PPP3CA: variants seen among roughly 807,000 people sequenced by gnomAD.
The protein encoded by PPP3CA is CAM-PRP catalytic subunit.
PPP3CA carries 14 observed loss-of-function variants against 66.5 expected under a neutral mutation model. The observed-to-expected ratio is 0.21, with a 90% confidence interval of 0.14 to 0.33. The LOEUF is 0.33. Ranked by LOEUF, PPP3CA falls within the 10% of genes least tolerant of loss-of-function variation. PPP3CA has a pLI of 1.00. For missense variants in PPP3CA, 317 were observed against 639.5 expected, an observed-to-expected ratio of 0.50 and a Z score of 5.44; for synonymous variants, 232 against 226.2, an observed-to-expected ratio of 1.03 and a Z score of -0.23.
At chr4:101,222,738 CTT>C (rs1725665226) in intron 1 of PPP3CA, among the ~76,000 whole-genome samples, 1 of 151,622 alleles carries the variant, frequency 6.6e-6, no homozygotes, top group South Asian at 2.1e-4. Context: ...AGGATCTACT[CTT>C]AATCAATAAA....
chr4:101,137,455 G>T (rs903062590), intron 2 of PPP3CA, among the ~76,000 whole-genome samples: 8 of 152,004 alleles, frequency 5.3e-5, no homozygotes, highest in African/African-American at 1.7e-4. Context: ...TGTCATGCTC[G>T]GTGTGAGAAC....
At chr4:101,084,696 A>G (rs1423593475) in intron 6 of PPP3CA, among the ~76,000 whole-genome samples, 3 of 152,204 alleles carry the variant, frequency 2.0e-5, no homozygotes, top group Admixed American at 6.5e-5. Context: ...GACTATAAAA[A>G]AGATTCAGTT....
chr4:101,255,956 T>C (rs1025801782), intron 1 of PPP3CA, among the ~76,000 whole-genome samples: 15 of 152,078 alleles, frequency 9.9e-5, no homozygotes, highest in Admixed American at 2.0e-4. Flanking sequence ...AATACGATAA[T>C]GAATAATTTT....
At chr4:101,095,629 G>A (rs1304262585) in intron 5 of PPP3CA, among the ~76,000 whole-genome samples, 1 of 152,142 alleles carries the variant, frequency 6.6e-6, no homozygotes, top group African/African-American at 2.4e-5. Context: ...ATTACAGAAT[G>A]AGCTAGTTAT....
chr4:101,271,239 C>A (rs1727328848), intron 1 of PPP3CA, among the ~76,000 whole-genome samples: 1 of 152,112 alleles, frequency 6.6e-6, no homozygotes, highest in South Asian at 2.1e-4. Context: ...ACTCATGACA[C>A]ATACTAACAA....
chr4:101,305,658 T>A (rs1728510943), intron 1 of PPP3CA, among the ~76,000 whole-genome samples: 1 of 152,318 alleles, frequency 6.6e-6, no homozygotes, highest in Middle Eastern at 3.4e-3. Context: ...GAAATCTATA[T>A]CCTTTGAATT....
intron 10 of PPP3CA, among the ~76,000 whole-genome samples, chr4:101,041,744 T>C (rs994719754): frequency 4.7e-4 from 72 of 152,232 alleles, no homozygotes; most frequent in East Asian, 2.1e-3. Flanking sequence ...AAGATTTTTA[T>C]AATCCAAGGT....
At chr4:101,136,740 G>A (rs1445057405) in intron 2 of PPP3CA, among the ~76,000 whole-genome samples, 1 of 151,798 alleles carries the variant, frequency 6.6e-6, no homozygotes, top group Non-Finnish European at 1.5e-5. Flanking sequence ...TTTGGGTTTT[G>A]TTTTGTGTGA....
chr4:101,127,327 A>T (rs1722275938), intron 2 of PPP3CA, among the ~76,000 whole-genome samples: 2 of 152,094 alleles, frequency 1.3e-5, no homozygotes, highest in South Asian at 4.1e-4. Flanking sequence ...TGGTAGCCAC[A>T]AATGTGACTA....
intron 2 of PPP3CA, among the ~76,000 whole-genome samples, chr4:101,140,251 C>T (rs1722761170): frequency 6.6e-6 from 1 of 152,184 alleles, no homozygotes; most frequent in Non-Finnish European, 1.5e-5. Context: ...TTTCTCTTTG[C>T]AATTTACTCT....
intron 1 of PPP3CA, among the ~76,000 whole-genome samples, chr4:101,298,860 TG>T (rs1728278959): frequency 2.0e-5 from 2 of 101,440 alleles, no homozygotes; most frequent in Admixed American, 1.4e-4. Context: ...TGTGTGTGTG[TG>T]TGTGTGTGTG....
intron 2 of PPP3CA, among the ~76,000 whole-genome samples, chr4:101,130,448 G>C (rs763069512): frequency 2.6e-5 from 4 of 152,098 alleles, no homozygotes; most frequent in Non-Finnish European, 5.9e-5. Flanking sequence ...ACACATAATT[G>C]TCAGATTAAC....
chr4:101,045,394 C>T (rs557211041), intron 10 of PPP3CA, among the ~76,000 whole-genome samples: 4 of 152,142 alleles, frequency 2.6e-5, no homozygotes, highest in Non-Finnish European at 5.9e-5. Flanking sequence ...GTAGGGGAAA[C>T]ATTTATACCA....
At chr4:101,093,590 A>T (rs1730056084) in intron 6 of PPP3CA, among the ~76,000 whole-genome samples, 186 bp downstream of exon 6, 1 of 152,218 alleles carries the variant, frequency 6.6e-6, no homozygotes, top group African/African-American at 2.4e-5. Context: ...ATATGTATAC[A>T]TATCTATTTC....
intron 11 of PPP3CA, among the ~76,000 whole-genome samples, chr4:101,034,122 T>G (rs1160284355): frequency 6.6e-6 from 1 of 152,134 alleles, no homozygotes; most frequent in East Asian, 1.9e-4. Flanking sequence ...ACAAAGGCCT[T>G]AAAATAAACA....
intron 2 of PPP3CA, among the ~76,000 whole-genome samples, chr4:101,142,012 C>T (rs781540304): frequency 1.3e-5 from 2 of 149,328 alleles, no homozygotes; most frequent in African/African-American, 2.5e-5. Flanking sequence ...GCACTCCAAT[C>T]GTCAAGCATT....
chr4:101,221,915 A>G (rs1354704645), intron 1 of PPP3CA, among the ~76,000 whole-genome samples: 1 of 151,626 alleles, frequency 6.6e-6, no homozygotes, highest in Non-Finnish European at 1.5e-5. Flanking sequence ...GTTCTTTCTT[A>G]TAGATTGCAT....
chr4:101,200,155 T>A (rs1419125809), intron 1 of PPP3CA, among the ~76,000 whole-genome samples: 3 of 152,160 alleles, frequency 2.0e-5, no homozygotes, highest in Non-Finnish European at 4.4e-5. Context: ...CTGAGTCACT[T>A]AAGCCACTAC....
chr4:101,239,610 C>T (rs186866808), intron 1 of PPP3CA, among the ~76,000 whole-genome samples: 1 of 152,006 alleles, frequency 6.6e-6, no homozygotes, highest in Non-Finnish European at 1.5e-5. Flanking sequence ...TACAAACTCA[C>T]AAGTAGACAG....
Sources: gnomAD v4.1 joint callset for allele counts (sites outside exome capture counted in the v4.1 genomes callset) on GRCh38, gnomAD v4.1.1 for gene constraint, MANE v1.5 for transcripts, NCBI Gene and HGNC (gene_info 2026-07-23, HGNC 2026-07-21) for gene names.